Variants in PMFBP1 observed in about 807,000 individuals in gnomAD.
PMFBP1 encodes the protein polyamine modulated factor 1 binding protein 1.
A neutral mutation model predicts 137.8 loss-of-function variants in PMFBP1; 131 were observed. The observed-to-expected ratio is 0.95, with a 90% CI of 0.82 to 1.10. The LOEUF is 1.10. PMFBP1 is among the 50% of genes least tolerant of loss of function. The probability of loss-of-function intolerance (pLI) is 0.00; values close to 1 mark genes in which losing one functional copy is unlikely to be tolerated. For synonymous variants in PMFBP1, 490 were observed against 450.4 expected, an observed-to-expected ratio of 1.09 and a Z score of -1.11; for missense variants, 1,199 against 1,175.4, an observed-to-expected ratio of 1.02 and a Z score of -0.29.
chr16:72,131,230 C>A (rs557666406), intron 10 of PMFBP1, among the ~76,000 whole-genome samples: 178 of 152,016 alleles, frequency 1.2e-3, no homozygotes, highest in Admixed American at 1.8e-3. Flanking sequence ...GAGGAGAATG[C>A]GGAAGGTGTG....
At position 72,119,853 on chromosome 16, in the gene PMFBP1, G is replaced by A. The variant is rs559237924; in HGVS notation, c.3005C>T (p.Pro1002Leu). 45 of 1,613,704 alleles carry A rather than the reference G, an allele frequency of 2.8e-5. No homozygotes were observed. The highest frequency in any genetic ancestry group is 2.6e-4 in the South Asian group (24 of 90,938). Residue 1002 changes from proline (P) to leucine (L), a missense_variant and splice_region_variant, in exon 20 of 21, where the codon CCG becomes CTG. Coordinates refer to ENST00000237353, the MANE Select transcript of PMFBP1 (RefSeq NM_031293.3). The stretch of plus-strand genomic sequence containing the variant: ...TTTTTGACAAATGGCAGACGTACCC[G>A]GGCAGTGGGGCATCCCGATGTACTT... ...LTKYIGMPHC[P>L]GSSYC
At chr16:72,170,543 C>T (rs2043206383) in intron 2 of PMFBP1, among the ~76,000 whole-genome samples, 1 of 152,158 alleles carries the variant, frequency 6.6e-6, no homozygotes. Flanking sequence ...GATCCACTTG[C>T]CTCAGCCTCC....
intron 5 of PMFBP1, among the ~76,000 whole-genome samples, chr16:72,145,131 G>C (rs1428152733): frequency 6.6e-6 from 1 of 152,172 alleles, no homozygotes; most frequent in East Asian, 1.9e-4. Flanking sequence ...ATAATTGGAA[G>C]TAAAACACTC....
At chr16:72,140,070 C>T (rs1280958789) in intron 6 of PMFBP1, among the ~76,000 whole-genome samples, 1 of 152,218 alleles carries the variant, frequency 6.6e-6, no homozygotes, top group African/African-American at 2.4e-5. Flanking sequence ...GCCTTCCATG[C>T]AGCTCTTACA....
chr16:72,168,029 A>G (rs867776575), intron 2 of PMFBP1, among the ~76,000 whole-genome samples: 16 of 152,358 alleles, frequency 1.1e-4, no homozygotes, highest in Middle Eastern at 6.8e-3. Flanking sequence ...TGGATCTTCA[A>G]TACAGATGAT....
chr16:72,238,877 G>A, the PMFBP1 span, among the ~76,000 whole-genome samples: 1 of 152,082 alleles, frequency 6.6e-6, no homozygotes, highest in Non-Finnish European at 1.5e-5. Flanking sequence ...GGGCGTTACT[G>A]ACATCTAGTG....
intron 19 of PMFBP1, 53 bp from the exon 20 acceptor site, chr16:72,120,142 G>T (rs746172927): frequency 1.2e-6 from 2 of 1,612,510 alleles, no homozygotes. Flanking sequence ...GCTCTGGTTG[G>T]TTCCCTGCTA....
chr16:72,183,112 G>GCACT, the PMFBP1 span, among the ~76,000 whole-genome samples: 1 of 152,156 alleles, frequency 6.6e-6, no homozygotes, highest in African/African-American at 2.4e-5. Flanking sequence ...CTATACCTGG[G>GCACT]CACTGCATGC....
At chr16:72,218,352 T>C in the PMFBP1 span, among the ~76,000 whole-genome samples, 3 of 152,172 alleles carry the variant, frequency 2.0e-5, no homozygotes, top group African/African-American at 7.2e-5. Context: ...TTTTTCTTTT[T>C]TTGAGACTTG....
chr16:72,170,723 C>T (rs538498951), intron 2 of PMFBP1, among the ~76,000 whole-genome samples: 4 of 152,162 alleles, frequency 2.6e-5, no homozygotes, highest in Non-Finnish European at 4.4e-5. Flanking sequence ...TGAGTCACTG[C>T]GCCTGGCCCC....
chr16:72,247,688 G>A, the PMFBP1 span, among the ~76,000 whole-genome samples: 1 of 152,306 alleles, frequency 6.6e-6, no homozygotes, highest in Admixed American at 6.5e-5. Context: ...TCATTATTAA[G>A]TGACTTCATA....
At chr16:72,124,433 G>A (rs1156634169) in intron 17 of PMFBP1, among the ~76,000 whole-genome samples, 1 of 152,246 alleles carries the variant, frequency 6.6e-6, no homozygotes, top group East Asian at 1.9e-4. Flanking sequence ...AGGTCACTTA[G>A]TCCATTCTAC....
At chr16:72,155,428 A>G (rs1182716056) in intron 3 of PMFBP1, among the ~76,000 whole-genome samples, 1 of 152,092 alleles carries the variant, frequency 6.6e-6, no homozygotes, top group Non-Finnish European at 1.5e-5. Flanking sequence ...CATGTCCTTA[A>G]TGTGCTATTC....
chr16:72,163,934 G>A (rs751956860), intron 3 of PMFBP1, among the ~76,000 whole-genome samples: 2 of 151,862 alleles, frequency 1.3e-5, no homozygotes. Context: ...AGGGTGGGGG[G>A]GGTGAGGGAT....
the PMFBP1 span, among the ~76,000 whole-genome samples, chr16:72,228,334 C>T: frequency 1.3e-5 from 2 of 152,124 alleles, no homozygotes; most frequent in African/African-American, 4.8e-5. Flanking sequence ...CCTGAAAGAC[C>T]CCGATGCAGT....
At chr16:72,178,066 A>AT (rs1211905999), upstream of PMFBP1, among the ~76,000 whole-genome samples, 1 of 151,804 alleles carries the variant, frequency 6.6e-6, no homozygotes, top group Non-Finnish European at 1.5e-5. Flanking sequence ...TAATTTTTGT[A>AT]TTTTTTTGTA....
chr16:72,140,928 CTTTTTTTTT>C (rs35908141), intron 5 of PMFBP1, among the ~76,000 whole-genome samples: 3 of 69,796 alleles, frequency 4.3e-5, no homozygotes, highest in South Asian at 1.3e-3. Flanking sequence ...ACAAATGAGT[CTTTTTTTTT>C]TTTTTTTTTT....
At chr16:72,206,777 C>G in the PMFBP1 span, among the ~76,000 whole-genome samples, 8 of 152,148 alleles carry the variant, frequency 5.3e-5, no homozygotes, top group African/African-American at 1.9e-4. Flanking sequence ...CTAAAAGTAA[C>G]AATAGCAAAG....
At chr16:72,169,321 T>C (rs1464147661) in intron 2 of PMFBP1, among the ~76,000 whole-genome samples, 1 of 152,204 alleles carries the variant, frequency 6.6e-6, no homozygotes, top group African/African-American at 2.4e-5. Context: ...TACATTTCAC[T>C]TGTGTAATAG....
Sources: gnomAD v4.1 joint callset for allele counts (sites outside exome capture counted in the v4.1 genomes callset) on GRCh38, gnomAD v4.1.1 for gene constraint, MANE v1.5 for transcripts, NCBI Gene and HGNC (gene_info 2026-07-23, HGNC 2026-07-21) for gene names.